The following DPH6 variants were observed in gnomAD, a reference collection of about 807,000 sequenced individuals.
DPH6 encodes diphthamine biosynthesis 6, also known as diphthine--ammonia ligase.
In DPH6, 33 loss-of-function variants were observed where a neutral mutation model predicts 38.2. The observed-to-expected ratio is 0.86, with a 90% CI of 0.65 to 1.15. The LOEUF (loss-of-function observed/expected upper bound fraction) is 1.15, where lower values mean the gene tolerates loss of function less well. Among genes scored for constraint, DPH6 ranks in the 50% most tolerant of loss-of-function variants. DPH6 has a pLI of 0.00. For synonymous variants in DPH6, 108 were observed against 103.0 expected, an observed-to-expected ratio of 1.05 and a Z score of -0.30; for missense variants, 325 against 320.0, an observed-to-expected ratio of 1.02 and a Z score of -0.12.
rs940854552 is a variant in DPH6 at position 35,440,030 on chromosome 15, T to C, written c.505+10655A>G. ...ATTTATCATTAAATTCCAGACTGAT[T>C]AGTTGTTTTTTAAGTTCTTGCCTAC... On this transcript the variant is annotated intron_variant, in intron 5 of 8. Coordinates refer to ENST00000256538, the MANE Select transcript of DPH6 (RefSeq NM_080650.4). 7.9e-5 allele frequency among the ~76,000 whole-genome samples: 12 copies of C among 152,180 alleles called. 1 individual carries two copies. The highest frequency in any genetic ancestry group is 2.6e-4 in the Admixed American group (4 of 15,282).
In DPH6 at chr15:35,542,636, C is replaced by A. The variant is rs186421013; in HGVS notation, c.24-129G>T. 4.0e-3 allele frequency: 3,539 copies of A among 875,322 alleles called. 40 individuals carry two copies. Among genetic ancestry groups the A allele is most frequent in the East Asian group, 0.04 (1,566 of 39,344 alleles). The allele number at this position is 875,322 out of a possible 1,614,324, so 54.2% of individuals were successfully genotyped here. ...AGAATATATTACAATGCAAAAAAAA[C>A]CCATTAATTTCTAAATCATAAACAA... On this transcript the variant is annotated intron_variant, in intron 1 of 8. Coordinates refer to ENST00000256538, the MANE Select transcript of DPH6 (RefSeq NM_080650.4).
intron 3 of DPH6, among the ~76,000 whole-genome samples, chr15:35,362,487 G>A (rs954263171): frequency 6.6e-6 from 1 of 152,180 alleles, no homozygotes; most frequent in African/African-American, 2.4e-5. Flanking sequence ...TAACCCAAAT[G>A]TGGCAAGCTC....
intron 3 of DPH6, among the ~76,000 whole-genome samples, chr15:35,333,933 AC>A (rs1265501280): frequency 6.6e-6 from 1 of 152,230 alleles, no homozygotes; most frequent in African/African-American, 2.4e-5. Context: ...ACCATGGAGT[AC>A]TATGCAGCCA....
At chr15:35,394,335 T>C (rs74913669) in intron 6 of DPH6, among the ~76,000 whole-genome samples, 103 of 152,320 alleles carry the variant, frequency 6.8e-4, no homozygotes, top group African/African-American at 2.3e-3. Flanking sequence ...GAGCACAGGC[T>C]TGAAATCAGA....
intron 3 of DPH6, among the ~76,000 whole-genome samples, chr15:35,279,041 T>C (rs1199677827): frequency 1.1e-5 from 1 of 93,104 alleles, no homozygotes; most frequent in Non-Finnish European, 2.0e-5. Context: ...AGAGTGAGAC[T>C]CTGTCTCAAA....
chr15:35,365,353 T>C (rs1306192661), intron 3 of DPH6, among the ~76,000 whole-genome samples: 1 of 152,146 alleles, frequency 6.6e-6, no homozygotes, highest in Non-Finnish European at 1.5e-5. Flanking sequence ...AGTTCACTAT[T>C]GTACACCCAA....
At chr15:35,314,379 T>C (rs113300206) in intron 3 of DPH6, among the ~76,000 whole-genome samples, 84 of 152,336 alleles carry the variant, frequency 5.5e-4, no homozygotes, top group African/African-American at 2.0e-3. Context: ...ATATTTTATG[T>C]TTATTTTAGG....
chr15:35,215,095 A>C (rs2051404552), downstream of DPH6, among the ~76,000 whole-genome samples: 1 of 152,212 alleles, frequency 6.6e-6, no homozygotes, highest in Non-Finnish European at 1.5e-5. Flanking sequence ...GTTTACCATT[A>C]GTGCCTTTTA....
At chr15:35,299,545 C>G (rs1031820753) in intron 3 of DPH6, 3 of 542,296 alleles carry the variant, frequency 5.5e-6, no homozygotes, top group Non-Finnish European at 6.6e-6. Flanking sequence ...CACCACCCTC[C>G]GCTGAGTCCG....
intron 3 of DPH6, among the ~76,000 whole-genome samples, chr15:35,222,802 A>G (rs1263143207): frequency 6.6e-6 from 1 of 152,184 alleles, no homozygotes; most frequent in Non-Finnish European, 1.5e-5. Flanking sequence ...CTATCAATTT[A>G]CATTGCCAGG....
chr15:35,177,603 C>CAAA, the DPH6 span, among the ~76,000 whole-genome samples: 2 of 105,972 alleles, frequency 1.9e-5, no homozygotes, highest in African/African-American at 4.9e-5. Flanking sequence ...AAAAAAAAAT[C>CAAA]ATCATCATCA....
chr15:35,454,441 T>C (rs550525858), intron 4 of DPH6, among the ~76,000 whole-genome samples: 1 of 152,232 alleles, frequency 6.6e-6, no homozygotes, highest in East Asian at 1.9e-4. Context: ...TAAAAGAGAT[T>C]AACAGGATAT....
At chr15:35,249,038 C>T (rs891562219) in intron 3 of DPH6, among the ~76,000 whole-genome samples, 2 of 152,000 alleles carry the variant, frequency 1.3e-5, no homozygotes, top group African/African-American at 4.8e-5. Context: ...TAGAGGAAAC[C>T]GCAGAATTAT....
At chr15:35,435,253 C>CTTT (rs1449074832) in intron 5 of DPH6, among the ~76,000 whole-genome samples, 1 of 152,120 alleles carries the variant, frequency 6.6e-6, no homozygotes, top group African/African-American at 2.4e-5. Flanking sequence ...TAAGTTTGAC[C>CTTT]TAAAGGTATC....
the DPH6 span, among the ~76,000 whole-genome samples, chr15:35,180,052 A>T: frequency 0.21 from 31,463 of 152,148 alleles, 4,060 homozygotes; most frequent in Non-Finnish European, 0.27. Flanking sequence ...ACCCAATCCC[A>T]TCTAATGATC....
intron 5 of DPH6, among the ~76,000 whole-genome samples, chr15:35,430,191 T>G (rs1198801100): frequency 6.6e-6 from 1 of 152,152 alleles, no homozygotes; most frequent in African/African-American, 2.4e-5. Context: ...GTCATGTGAA[T>G]GCTAATGAAG....
intron 3 of DPH6, among the ~76,000 whole-genome samples, chr15:35,497,673 T>C (rs2054574884): frequency 6.6e-6 from 1 of 152,110 alleles, no homozygotes; most frequent in Non-Finnish European, 1.5e-5. Context: ...GATAAAAATG[T>C]CAAACAACCC....
intron 8 of DPH6, among the ~76,000 whole-genome samples, chr15:35,372,523 T>A (rs903848408): frequency 6.6e-6 from 1 of 151,924 alleles, no homozygotes; most frequent in Non-Finnish European, 1.5e-5. Context: ...GGGGTTCAAG[T>A]AAATCTGAAA....
intron 5 of DPH6, among the ~76,000 whole-genome samples, chr15:35,418,991 G>C (rs755462505): frequency 4.3e-4 from 65 of 151,816 alleles, no homozygotes; most frequent in Middle Eastern, 3.4e-3. Context: ...TTTCTAGTCT[G>C]TCTATAATTC....
Sources: gnomAD v4.1 joint callset for allele counts (sites outside exome capture counted in the v4.1 genomes callset) on GRCh38, gnomAD v4.1.1 for gene constraint, MANE v1.5 for transcripts, NCBI Gene and HGNC (gene_info 2026-07-23, HGNC 2026-07-21) for gene names.